Variants in PARD3B observed in about 807,000 individuals in gnomAD.
PARD3B encodes the protein par-3 family cell polarity regulator beta.
Under a neutral mutation model 130.2 loss-of-function variants are expected in PARD3B, and 103 were observed. The observed-to-expected ratio is 0.79, with a 90% confidence interval of 0.67 to 0.93. The LOEUF (loss-of-function observed/expected upper bound fraction) is 0.93. PARD3B is among the 40% of genes least tolerant of loss of function. PARD3B has a pLI of 0.00. For missense variants in PARD3B, 1,609 were observed against 1,499.2 expected, an observed-to-expected ratio of 1.07 and a Z score of -1.21; for synonymous variants, 583 against 553.2, an observed-to-expected ratio of 1.05 and a Z score of -0.76.
chr2:205,368,059 T>TA (rs1487255324), intron 18 of PARD3B, among the ~76,000 whole-genome samples: 1 of 152,224 alleles, frequency 6.6e-6, no homozygotes, highest in Non-Finnish European at 1.5e-5. Flanking sequence ...GTAAGGGTGA[T>TA]ACGTCTGTGT....
rs200017661 is a variant in PARD3B, at chr2:205,035,926, C to CTATATA, written c.395-11639_395-11634dup. ...TATATGAGATATATCTCTGACTCCA[C>CTATATA]TATATATATATATATATATATGACT... is the stretch of plus-strand genomic sequence containing the variant. On this transcript the variant is annotated intron_variant, in intron 3 of 22. Coordinates refer to ENST00000406610, the MANE Select transcript of PARD3B (RefSeq NM_001302769.2). Among the ~76,000 whole-genome samples the CTATATA allele has an allele frequency of 3.7e-3, 461 of 126,054 alleles. 2 individuals carry two copies. Among genetic ancestry groups the CTATATA allele is most frequent in the Non-Finnish European group, 4.0e-3 (247 of 61,150 alleles). 82.7% of individuals were successfully genotyped at this position (126,054 alleles called of 152,430 possible).
rs1382728452 is a variant in PARD3B at position 205,592,125 on chromosome 2, A to G, written c.3261-23331A>G. Among the ~76,000 whole-genome samples the G allele has an allele frequency of 3.3e-5, 5 of 152,196 alleles. No individual in the cohort carries two copies. Among genetic ancestry groups the G allele is most frequent in the Admixed American group, 3.3e-4 (5 of 15,284 alleles). On this transcript the variant is annotated intron_variant, in intron 22 of 22. Coordinates refer to ENST00000406610, the MANE Select transcript of PARD3B (RefSeq NM_001302769.2). The surrounding 1 kb of genome is among the most constrained non-coding windows in gnomAD (Gnocchi z 4.5). ...GGCCTAGGAGCTTGCTTAGTATCAT[A>G]ATTCCCACTTCCGAGTGAAGAAAAT...
chr2:205,608,156 T>A (rs890315626), intron 22 of PARD3B, among the ~76,000 whole-genome samples: 3 of 152,182 alleles, frequency 2.0e-5, no homozygotes, highest in African/African-American at 7.2e-5. Context: ...ATTTTGCCCC[T>A]AGAGTGTTCT....
At chr2:204,856,188 C>T (rs995725747) in intron 2 of PARD3B, among the ~76,000 whole-genome samples, 1 of 152,118 alleles carries the variant, frequency 6.6e-6, no homozygotes, top group African/African-American at 2.4e-5. Context: ...GTTGCCTTTC[C>T]TCCATATCTT....
At chr2:205,545,284 T>A (rs1195279790) in intron 21 of PARD3B, among the ~76,000 whole-genome samples, 1 of 152,228 alleles carries the variant, frequency 6.6e-6, no homozygotes, top group Non-Finnish European at 1.5e-5. Flanking sequence ...GTCTTAATAT[T>A]AGAAGATGCT....
intron 16 of PARD3B, among the ~76,000 whole-genome samples, chr2:205,293,241 G>T (rs1574616928): frequency 6.6e-6 from 1 of 152,184 alleles, no homozygotes; most frequent in East Asian, 1.9e-4. Flanking sequence ...TATGCTAATG[G>T]TTTTTGAGGA....
At position 205,384,461 on chromosome 2, in the gene PARD3B, T is replaced by C. The variant is rs373462962; in HGVS notation, c.2631-16552T>C. ...AGATCTGAGTAGGGATTTTGTGTCT[T>C]TGACTATTTTTGATTCCTATATAAT... On this transcript the variant is annotated intron_variant, in intron 18 of 22. Transcript: ENST00000406610. Among the ~76,000 whole-genome samples, 4 of 152,100 alleles carry C rather than the reference T, an allele frequency of 2.6e-5. No individual in the cohort carries two copies. In the East Asian group the frequency reaches 7.7e-4, roughly 29 times the overall value.
chr2:204,773,116 A>G (rs893137954), intron 2 of PARD3B, among the ~76,000 whole-genome samples: 21 of 152,024 alleles, frequency 1.4e-4, no homozygotes, highest in African/African-American at 4.3e-4. Flanking sequence ...GAAGTATTTA[A>G]CAAACTGGTA....
At position 205,269,324 on chromosome 2, in the gene PARD3B, TTAAA is replaced by T. The variant is rs2040628528; in HGVS notation, c.2185+23505_2185+23508del. 6.6e-6 allele frequency among the ~76,000 whole-genome samples: 1 copy of T among 152,202 alleles called. No homozygotes were observed. Among genetic ancestry groups the T allele is most frequent in the African/African-American group, 2.4e-5 (1 of 41,456 alleles). ...TAAAAATAATGACATACTCTTATAA[TTAAA>T]TAGACTTATTTCAAACTGTTTCCCA... On this transcript the variant is annotated intron_variant, in intron 16 of 22. Coordinates refer to ENST00000406610, the MANE Select transcript of PARD3B (RefSeq NM_001302769.2). This position sits in a 1 kb window ranked among gnomAD's most constrained non-coding sequence, Gnocchi z 4.7.
intron 4 of PARD3B, among the ~76,000 whole-genome samples, chr2:205,072,943 A>G (rs1418786395): frequency 6.6e-6 from 1 of 152,208 alleles, no homozygotes; most frequent in African/African-American, 2.4e-5. Context: ...TGCTCAGTAT[A>G]TGATATACAG....
At chr2:204,912,766 G>A (rs1303467061) in intron 2 of PARD3B, among the ~76,000 whole-genome samples, 1 of 152,084 alleles carries the variant, frequency 6.6e-6, no homozygotes, top group Non-Finnish European at 1.5e-5. Flanking sequence ...AAAATTAAGA[G>A]GTATTAGTAA....
intron 22 of PARD3B, among the ~76,000 whole-genome samples, chr2:205,613,347 A>G (rs10186058): frequency 0.014 from 2,108 of 152,306 alleles, 48 homozygotes; most frequent in African/African-American, 0.046. Context: ...GTTAAGAAAA[A>G]TTTTTTGAGT....
At chr2:205,017,306 A>G (rs1215259477) in intron 3 of PARD3B, among the ~76,000 whole-genome samples, 1 of 152,172 alleles carries the variant, frequency 6.6e-6, no homozygotes, top group Non-Finnish European at 1.5e-5. Flanking sequence ...TCATGTCCTC[A>G]GAAAAATATA....
intron 1 of PARD3B, among the ~76,000 whole-genome samples, chr2:204,594,531 C>A (rs568035300): frequency 6.6e-6 from 1 of 152,282 alleles, no homozygotes; most frequent in South Asian, 2.1e-4. Context: ...GATCAAACGT[C>A]TAGAAAACAG....
chr2:204,562,538 G>T (rs1258976788), intron 1 of PARD3B, among the ~76,000 whole-genome samples: 1 of 152,158 alleles, frequency 6.6e-6, no homozygotes, highest in East Asian at 1.9e-4. Flanking sequence ...CCCAGAAGTC[G>T]CTGTGGCTTT....
Position 205,117,155 on chromosome 2 carries a change from A to G in PARD3B, c.681-1766A>G, listed in dbSNP as rs2029903919. On this transcript the variant is annotated intron_variant, in intron 6 of 22. Coordinates refer to ENST00000406610, the MANE Select transcript of PARD3B (RefSeq NM_001302769.2). ...ACAAAAATCCAAAATGTGAACTCTT[A>G]GGATGCTGTTTAATTTAGGGAAAAA... Among the ~76,000 whole-genome samples the G allele has an allele frequency of 4.6e-5, 7 of 152,306 alleles. 1 individual carries two copies. The South Asian group carries it at 1.5e-3, about 32-fold the overall frequency.
chr2:205,486,224 G>C (rs1385457700), intron 20 of PARD3B, among the ~76,000 whole-genome samples: 1 of 152,174 alleles, frequency 6.6e-6, no homozygotes, highest in African/African-American at 2.4e-5. Flanking sequence ...GGATTTATAA[G>C]AATCTGAGCA....
At chr2:204,934,559 G>A (rs1688267253) in intron 2 of PARD3B, among the ~76,000 whole-genome samples, 1 of 152,088 alleles carries the variant, frequency 6.6e-6, no homozygotes, top group Non-Finnish European at 1.5e-5. Flanking sequence ...GCCTCTTTAT[G>A]CTCAGTTATA....
intron 2 of PARD3B, among the ~76,000 whole-genome samples, chr2:204,806,805 A>G (rs2042782849): frequency 6.6e-6 from 1 of 152,208 alleles, no homozygotes; most frequent in Admixed American, 6.5e-5. Context: ...ATAAAATCTA[A>G]TAATCTGATT....
Sources: gnomAD v4.1 joint callset for allele counts (sites outside exome capture counted in the v4.1 genomes callset) on GRCh38, gnomAD v4.1.1 for gene constraint, Gnocchi (gnomAD v3.1) non-coding constraint, MANE v1.5 for transcripts, NCBI Gene and HGNC (gene_info 2026-07-23, HGNC 2026-07-21) for gene names.